Variants in CYP4F11 observed in about 807,000 individuals in gnomAD.
CYP4F11 encodes cytochrome P450 4F11.
In CYP4F11, 79 loss-of-function variants were observed where a neutral mutation model predicts 62.2. That is an observed-to-expected ratio of 1.27 (90% CI 1.06 to 1.53). The LOEUF (loss-of-function observed/expected upper bound fraction) is 1.53. Ranked by LOEUF, CYP4F11 falls within the 40% of genes most tolerant of loss-of-function variation. The pLI is 0.00. For missense variants in CYP4F11, 777 were observed against 680.5 expected, an observed-to-expected ratio of 1.14 and a Z score of -1.58; for synonymous variants, 290 against 263.7, an observed-to-expected ratio of 1.10 and a Z score of -0.97.
chr19:15,922,470 A>ACC, intron 6 of CYP4F11, 40 bp from the exon 7 acceptor site: 1 of 1,597,456 alleles, frequency 6.3e-7, no homozygotes, highest in East Asian at 2.2e-5. Context: ...CCCAAATCAC[A>ACC]CCAGCTCTGA....
rs1205544001 is a variant in CYP4F11, at chr19:15,914,747, T to G, written c.1249+15A>C. The G allele has an allele frequency of 6.2e-7, 1 of 1,613,984 alleles. No individual in the cohort carries two copies. The highest frequency in any genetic ancestry group is 8.5e-7 in the Non-Finnish European group (1 of 1,179,876). Reference sequence around the variant, plus strand: ...TTGCTACCCAGGAGGCTCCTCCCCCTGAGGCTGTGAGCACCTTTGGGGATG... The same window carrying G: ...TTGCTACCCAGGAGGCTCCTCCCCCGGAGGCTGTGAGCACCTTTGGGGATG... On this transcript the variant is annotated intron_variant, in intron 9 of 11. Coordinates refer to ENST00000402119, the MANE Select transcript of CYP4F11 (RefSeq NM_021187.4).
intron 6 of CYP4F11, 106 bp downstream of exon 6, chr19:15,923,706 T>A: frequency 6.9e-7 from 1 of 1,451,450 alleles, no homozygotes; most frequent in Non-Finnish European, 9.3e-7. Flanking sequence ...TTTTCAAGCA[T>A]GTTCCATGGC....
At chr19:15,931,191 G>T (rs913854324) in intron 1 of CYP4F11, among the ~76,000 whole-genome samples, 1 of 151,860 alleles carries the variant, frequency 6.6e-6, no homozygotes, top group African/African-American at 2.4e-5. Flanking sequence ...AGGAGGCAGC[G>T]GGAGACTGCC....
chr19:15,919,465 CAGATGTAT>C (rs1173596552), intron 8 of CYP4F11, among the ~76,000 whole-genome samples: 1 of 127,150 alleles, frequency 7.9e-6, no homozygotes, highest in Non-Finnish European at 1.7e-5. Context: ...AACGGATGGA[CAGATGTAT>C]AGATAGATAG....
intron 1 of CYP4F11, among the ~76,000 whole-genome samples, chr19:15,931,564 GGAGAGGAATGAGTGAGCGA>G (rs2089720334): frequency 8.3e-5 from 10 of 120,072 alleles, no homozygotes; most frequent in Non-Finnish European, 1.6e-4. Flanking sequence ...GAGTGAGCGA[GGAGAGGAATGAGTGAGCGA>G]GGAGAGGAAT....
chr19:15,921,066 CTCTCTCTCTCTCTCTCTCTCTCTCTCT>C (rs2089623856), intron 8 of CYP4F11, among the ~76,000 whole-genome samples: 1 of 7,664 alleles, frequency 1.3e-4, no homozygotes, highest in Admixed American at 1.8e-3. Context: ...CTCTCTCTCT[CTCTCTCTCTCTCTCTCTCTCTCTCTCT>C]CTCTCTCTCT....
intron 1 of CYP4F11, among the ~76,000 whole-genome samples, chr19:15,929,952 C>T (rs977106124): frequency 5.9e-5 from 9 of 152,174 alleles, no homozygotes; most frequent in African/African-American, 2.2e-4. Context: ...ACTGAATTTA[C>T]AACTCCAGTG....
chr19:15,931,644 GGAGAGGAA>G lies in CYP4F11; in HGVS notation c.199-2051_199-2044del, dbSNP rs1568257607. The stretch of plus-strand genomic sequence containing the variant: ...AGCGAGGAGAGGAATGAGTGAGCGA[GGAGAGGAA>G]TGAGTGAGCGAGGAGAGGAATGAGT... On this transcript the variant is annotated intron_variant, in intron 1 of 11. Transcript: ENST00000402119. 2.8e-4 allele frequency among the ~76,000 whole-genome samples: 17 copies of G among 61,246 alleles called. 1 individual carries two copies. The highest frequency in any genetic ancestry group is 2.4e-4 in the Non-Finnish European group (8 of 33,074). The allele number at this position is 61,246 out of a possible 152,430, so 40.2% of individuals were successfully genotyped here. A position where few individuals can be genotyped will look rare whatever the true frequency, so the allele number is the denominator to read the frequency against.
rs1372878583 is a variant in CYP4F11, at chr19:15,927,311, G to A, written c.426C>T (p.Asp142=). 12 of 1,613,984 alleles carry A rather than the reference G, an allele frequency of 7.4e-6. No homozygotes were observed. The highest frequency in any genetic ancestry group is 9.3e-6 in the Non-Finnish European group (11 of 1,180,028). ...ACATCCGACGGTGGCGGCTCCACTT[G>A]TCACCACCACTCAGCAGGAGCCCAT... ...LGDGLLLSGG[D]KWSRHRRMLT... Residue 142 remains aspartate, a synonymous_variant, in exon 4 of 12, where the codon GAC becomes GAT. Coordinates refer to ENST00000402119, the MANE Select transcript of CYP4F11 (RefSeq NM_021187.4).
chr19:15,934,565 G>A (rs2089762754), upstream of CYP4F11: 1 of 862,544 alleles, frequency 1.2e-6, no homozygotes, highest in Non-Finnish European at 1.7e-6. Flanking sequence ...CTAAAGTCCA[G>A]AAATGCCCAA....
chr19:15,927,087 A>T, intron 4 of CYP4F11, 125 bp downstream of exon 4: 1 of 1,125,202 alleles, frequency 8.9e-7, no homozygotes, highest in Non-Finnish European at 1.3e-6. Flanking sequence ...TTTTACAGAT[A>T]GGGAAACCAA....
At chr19:15,931,583 A>AGAGGAGTGAGTGAGCGG (rs2089721565) in intron 1 of CYP4F11, among the ~76,000 whole-genome samples, 1 of 88,918 alleles carries the variant, frequency 1.1e-5, no homozygotes, top group Non-Finnish European at 2.3e-5. Flanking sequence ...TGAGTGAGCG[A>AGAGGAGTGAGTGAGCGG]GGAGAGGAAT....
At chr19:15,917,740 A>T (rs949125053) in intron 8 of CYP4F11, among the ~76,000 whole-genome samples, 1 of 152,194 alleles carries the variant, frequency 6.6e-6, no homozygotes, top group Non-Finnish European at 1.5e-5. Flanking sequence ...TGGGAAAATA[A>T]CCCAAAGGAA....
chr19:15,934,679 C>A, upstream of CYP4F11: 1 of 400,722 alleles, frequency 2.5e-6, no homozygotes, highest in South Asian at 3.3e-5. Flanking sequence ...GGGAGGTTGC[C>A]AGGGGTCCAG....
chr19:15,913,618 T>C lies in CYP4F11; in HGVS notation c.*114A>G, dbSNP rs1209981469. The stretch of plus-strand genomic sequence containing the variant: ...CCTCCACCCACTCACCTCCCTTTCT[T>C]AGATCCCACCAGTCCCCAGGAGCCC... On this transcript the variant is annotated 3_prime_UTR_variant, in exon 12 of 12. Transcript: ENST00000402119. 1 of 1,370,860 alleles carries C rather than the reference T, an allele frequency of 7.3e-7. No homozygotes were observed. The highest frequency in any genetic ancestry group is 1.0e-6 in the Non-Finnish European group (1 of 994,952). The allele number at this position is 1,370,860 out of a possible 1,614,324, so 84.9% of individuals were successfully genotyped here.
chr19:15,920,993 T>C (rs530294029), intron 8 of CYP4F11, among the ~76,000 whole-genome samples: 1 of 151,896 alleles, frequency 6.6e-6, no homozygotes, highest in East Asian at 1.9e-4. Flanking sequence ...TCTTTCCCTC[T>C]TTTCTTTCTC....
chr19:15,921,699 G>A (rs999920480), intron 8 of CYP4F11, among the ~76,000 whole-genome samples: 3 of 152,160 alleles, frequency 2.0e-5, no homozygotes, highest in African/African-American at 7.2e-5. Flanking sequence ...TGAAATTAGG[G>A]TAAGGAAGAG....
At chr19:15,914,213 G>C in intron 11 of CYP4F11, 92 bp downstream of exon 11, 1 of 1,440,162 alleles carries the variant, frequency 6.9e-7, no homozygotes, top group Non-Finnish European at 9.6e-7. Context: ...GGGAGGGAAG[G>C]AGAGCTGGAA....
chr19:15,920,046 A>C (rs948464161), intron 8 of CYP4F11, among the ~76,000 whole-genome samples: 5 of 152,228 alleles, frequency 3.3e-5, no homozygotes, highest in African/African-American at 1.2e-4. Flanking sequence ...TATGTTTTCC[A>C]AAACGGCTAA....
Sources: allele counts gnomAD v4.1 joint callset (sites outside exome capture counted in the v4.1 genomes callset), GRCh38; gene constraint gnomAD v4.1.1; transcripts MANE v1.5; gene names NCBI Gene and HGNC (gene_info 2026-07-23, HGNC 2026-07-21).